The following ZBBX variants were observed in gnomAD, a reference collection of about 807,000 sequenced individuals.
ZBBX encodes the protein zinc finger B-box domain containing, also known as zinc finger B-box domain-containing protein 1.
Under a neutral mutation model 108.5 loss-of-function variants are expected in ZBBX, and 101 were observed. That is an observed-to-expected ratio of 0.93 (90% CI 0.79 to 1.10). The LOEUF (loss-of-function observed/expected upper bound fraction) is 1.10. Among genes scored for constraint, ZBBX ranks in the 50% least tolerant of loss-of-function variants. ZBBX has a pLI of 0.00. For missense variants in ZBBX, 1,009 were observed against 941.4 expected (o/e 1.07, Z -0.94); for synonymous variants, 356 against 323.4 (o/e 1.10, Z -1.08).
At chr3:167,309,750 G>GCTGTGAGGA (rs746656053) in intron 16 of ZBBX, among the ~76,000 whole-genome samples, 11 of 152,214 alleles carry the variant, frequency 7.2e-5, no homozygotes, top group Non-Finnish European at 1.6e-4. Context: ...GGGAGGGGAT[G>GCTGTGAGGA]CTGTGAGGAT....
the ZBBX span, among the ~76,000 whole-genome samples, chr3:167,191,918 T>TAGAGAGAGAGAGAGAG: frequency 3.6e-5 from 4 of 112,546 alleles, no homozygotes; most frequent in African/African-American, 1.4e-4. Context: ...TATATATATA[T>TAGAGAGAGAGAGAGAG]ATATATATAT....
chr3:167,224,646 T>C, the ZBBX span, among the ~76,000 whole-genome samples: 5 of 151,926 alleles, frequency 3.3e-5, no homozygotes, highest in African/African-American at 1.2e-4. Flanking sequence ...TAAGTTAAAA[T>C]CATCATTAAA....
chr3:167,351,974 G>A (rs1742740274), intron 8 of ZBBX, among the ~76,000 whole-genome samples: 2 of 152,062 alleles, frequency 1.3e-5, no homozygotes. Flanking sequence ...TGACCCACCA[G>A]TGTTCAGCTG....
chr3:167,301,801 C>G (rs1732724068), intron 17 of ZBBX, among the ~76,000 whole-genome samples: 1 of 151,784 alleles, frequency 6.6e-6, no homozygotes, highest in African/African-American at 2.4e-5. Flanking sequence ...ACTAAAAATA[C>G]AAAACGTTAG....
At chr3:167,236,016 TATA>T (rs1412406860), downstream of ZBBX, among the ~76,000 whole-genome samples, 1 of 151,754 alleles carries the variant, frequency 6.6e-6, no homozygotes, top group African/African-American at 2.4e-5. Flanking sequence ...CAGAATATCC[TATA>T]ATAACGTATT....
the ZBBX span, among the ~76,000 whole-genome samples, chr3:167,196,238 C>A: frequency 4.6e-5 from 7 of 152,126 alleles, no homozygotes; most frequent in Admixed American, 1.3e-4. Flanking sequence ...CACAAAGAGT[C>A]TTGAGAAGAA....
chr3:167,267,932 CCTT>C (rs1418984210), intron 20 of ZBBX, among the ~76,000 whole-genome samples: 1 of 151,874 alleles, frequency 6.6e-6, no homozygotes, highest in African/African-American at 2.4e-5. Flanking sequence ...TGCCCCAGAT[CCTT>C]CTTCTCCTTA....
At chr3:167,302,935 T>G (rs1732981550) in intron 17 of ZBBX, among the ~76,000 whole-genome samples, 1 of 152,208 alleles carries the variant, frequency 6.6e-6, no homozygotes. Context: ...AACATTATTT[T>G]TATTACACCA....
the ZBBX span, among the ~76,000 whole-genome samples, chr3:167,219,202 C>T: frequency 1.3e-5 from 2 of 151,994 alleles, no homozygotes; most frequent in East Asian, 3.9e-4. Flanking sequence ...CAACACCCCA[C>T]TTTCAGCATT....
the ZBBX span, among the ~76,000 whole-genome samples, chr3:167,181,555 G>A: frequency 0.013 from 2,027 of 152,232 alleles, 22 homozygotes; most frequent in South Asian, 0.026. Flanking sequence ...CTGAATAGTT[G>A]TTTCACAGGC....
rs78692116 is a variant in ZBBX, at chr3:167,354,324, GA to G, written c.433-3810del. ...ATCATAAAGTCAAAAAATTGTAAGT[GA>G]AAAATGGTAAGTCAGGGACCATTTA... On this transcript the variant is annotated intron_variant, in intron 8 of 21. Coordinates refer to ENST00000675490, the MANE Select transcript of ZBBX (RefSeq NM_001199201.2). Among the ~76,000 whole-genome samples, 13 of 151,734 alleles carry G rather than the reference GA, an allele frequency of 8.6e-5. No individual in the cohort carries two copies. In the East Asian group the frequency reaches 2.3e-3, roughly 27 times the overall value.
intron 11 of ZBBX, among the ~76,000 whole-genome samples, chr3:167,326,162 T>G (rs1478348426): frequency 6.6e-6 from 1 of 152,204 alleles, no homozygotes; most frequent in Non-Finnish European, 1.5e-5. Flanking sequence ...AATGTCTGAT[T>G]AAATCATGCC....
chr3:167,351,743 C>A (rs1742693182), intron 8 of ZBBX, among the ~76,000 whole-genome samples: 1 of 152,164 alleles, frequency 6.6e-6, no homozygotes, highest in African/African-American at 2.4e-5. Context: ...CCCCAAGGGT[C>A]TGAGTCCTGC....
At chr3:167,354,764 C>T (rs1346503810) in intron 8 of ZBBX, among the ~76,000 whole-genome samples, 2 of 151,800 alleles carry the variant, frequency 1.3e-5, no homozygotes, top group Admixed American at 6.6e-5. Context: ...TGTTTTTACA[C>T]TATAATGCAG....
the ZBBX span, among the ~76,000 whole-genome samples, chr3:167,200,751 T>C: frequency 6.6e-6 from 1 of 152,124 alleles, no homozygotes; most frequent in Admixed American, 6.6e-5. Context: ...TACAGATTAG[T>C]TCTAGTAATG....
chr3:167,280,257 TTAAAG>T lies in ZBBX; in HGVS notation c.2254+1976_2254+1980del, dbSNP rs529365637. Among the ~76,000 whole-genome samples the T allele has an allele frequency of 8.8e-3, 1,336 of 151,558 alleles. 26 individuals carry two copies. The highest frequency in any genetic ancestry group is 0.031 in the African/African-American group (1,260 of 41,254). On this transcript the variant is annotated intron_variant, in intron 20 of 21. Transcript: ENST00000675490. ...GCCAAAATTGACAAACGGGATCTAATTAAAGTAAACAGCTTCTGCACAGCAAAAAA... is the reference window on the plus strand; with the variant it reads ...GCCAAAATTGACAAACGGGATCTAATTAAACAGCTTCTGCACAGCAAAAAA...
chr3:167,276,763 G>A (rs1311562391), intron 20 of ZBBX, among the ~76,000 whole-genome samples: 2 of 152,086 alleles, frequency 1.3e-5, no homozygotes, highest in Non-Finnish European at 2.9e-5. Context: ...GATATTCCTC[G>A]AGAAGAGCAA....
At chr3:167,392,426 T>A (rs919835490) in intron 1 of ZBBX, among the ~76,000 whole-genome samples, 1 of 151,880 alleles carries the variant, frequency 6.6e-6, no homozygotes, top group Non-Finnish European at 1.5e-5. Flanking sequence ...TAATTTCTCT[T>A]GAGTAAACAT....
the ZBBX span, among the ~76,000 whole-genome samples, chr3:167,222,435 G>A: frequency 6.6e-6 from 1 of 151,620 alleles, no homozygotes; most frequent in African/African-American, 2.4e-5. Context: ...GGTAGGAGGT[G>A]GGGTGGAGGA....
Sources: gnomAD v4.1 joint callset for allele counts (sites outside exome capture counted in the v4.1 genomes callset) on GRCh38, gnomAD v4.1.1 for gene constraint, MANE v1.5 for transcripts, NCBI Gene and HGNC (gene_info 2026-07-23, HGNC 2026-07-21) for gene names.